Variants in NKAIN3 observed in about 807,000 individuals in gnomAD.
The protein encoded by NKAIN3 is sodium/potassium transporting ATPase interacting 3, also known as sodium/potassium-transporting ATPase subunit beta-1-interacting protein 3.
Under a neutral mutation model 30.2 loss-of-function variants are expected in NKAIN3, and 25 were observed. The ratio of observed to expected loss-of-function variants is 0.83; its 90% confidence interval spans 0.60 to 1.16. The LOEUF (loss-of-function observed/expected upper bound fraction) is 1.16, where lower values mean the gene tolerates loss of function less well. Ranked by LOEUF, NKAIN3 falls within the 50% of genes most tolerant of loss-of-function variation. The pLI is 0.00. For synonymous variants in NKAIN3, 91 were observed against 89.6 expected, an observed-to-expected ratio of 1.02 and a Z score of -0.09; for missense variants, 225 against 254.1, an observed-to-expected ratio of 0.89 and a Z score of 0.78.
At chr8:62,516,384 C>T (rs1488469320) in intron 1 of NKAIN3, among the ~76,000 whole-genome samples, 1 of 152,052 alleles carries the variant, frequency 6.6e-6, no homozygotes, top group African/African-American at 2.4e-5. Flanking sequence ...TTTCTGAGTT[C>T]TCTGTGTTAC....
intron 1 of NKAIN3, among the ~76,000 whole-genome samples, chr8:62,430,564 A>C (rs1804964718): frequency 6.6e-6 from 1 of 151,816 alleles, no homozygotes; most frequent in African/African-American, 2.4e-5. Context: ...CCAGTAGTGC[A>C]TAAGGGTTCT....
At chr8:62,700,838 G>A (rs1446879071) in intron 3 of NKAIN3, among the ~76,000 whole-genome samples, 3 of 152,166 alleles carry the variant, frequency 2.0e-5, no homozygotes, top group Non-Finnish European at 4.4e-5. Flanking sequence ...ATTATCATCA[G>A]ACCATATTTT....
At chr8:62,269,433 G>A (rs1021538910) in intron 1 of NKAIN3, among the ~76,000 whole-genome samples, 2 of 152,086 alleles carry the variant, frequency 1.3e-5, no homozygotes, top group African/African-American at 4.8e-5. Flanking sequence ...TTGAGAAAGA[G>A]TAGACAGTAT....
At chr8:62,317,490 A>G (rs1329008279) in intron 1 of NKAIN3, among the ~76,000 whole-genome samples, 1 of 152,196 alleles carries the variant, frequency 6.6e-6, no homozygotes, top group Non-Finnish European at 1.5e-5. Context: ...AGCTTTCTAC[A>G]TATGGCTAGC....
intron 3 of NKAIN3, among the ~76,000 whole-genome samples, chr8:62,655,908 G>A (rs750640293): frequency 6.6e-6 from 1 of 152,126 alleles, no homozygotes; most frequent in Admixed American, 6.6e-5. Context: ...GGTATGGGAA[G>A]TTACTAACCC....
At chr8:62,443,167 A>G (rs1805381765) in intron 1 of NKAIN3, among the ~76,000 whole-genome samples, 1 of 151,856 alleles carries the variant, frequency 6.6e-6, no homozygotes, top group Non-Finnish European at 1.5e-5. Context: ...TCTCTTTTAA[A>G]ATCCCAATCA....
chr8:62,388,482 T>C (rs1380760475), intron 1 of NKAIN3, among the ~76,000 whole-genome samples: 5 of 152,366 alleles, frequency 3.3e-5, no homozygotes, highest in South Asian at 2.1e-4. Flanking sequence ...AAAGGTAATA[T>C]GTGGTAACAA....
intron 1 of NKAIN3, among the ~76,000 whole-genome samples, chr8:62,442,176 G>A (rs1805348189): frequency 6.6e-6 from 1 of 151,774 alleles, no homozygotes; most frequent in Non-Finnish European, 1.5e-5. Context: ...ATCCAGTTTA[G>A]CTTATCTGTT....
intron 3 of NKAIN3, among the ~76,000 whole-genome samples, chr8:62,698,417 G>A (rs1005333755): frequency 6.6e-6 from 1 of 152,266 alleles, no homozygotes; most frequent in East Asian, 1.9e-4. Flanking sequence ...AGCTCCTCCT[G>A]CAGATTGGAT....
chr8:62,945,777 C>T (rs991974789), intron 5 of NKAIN3, among the ~76,000 whole-genome samples: 1 of 152,084 alleles, frequency 6.6e-6, no homozygotes, highest in Non-Finnish European at 1.5e-5. Flanking sequence ...AATGAGGATC[C>T]GAGACAGAGT....
At chr8:62,818,098 G>A (rs1036517381) in intron 4 of NKAIN3, among the ~76,000 whole-genome samples, 3 of 152,008 alleles carry the variant, frequency 2.0e-5, no homozygotes, top group African/African-American at 7.2e-5. Flanking sequence ...CAAATTGCCT[G>A]GATATACATA....
At chr8:62,610,648 C>T (rs934154256) in intron 3 of NKAIN3, among the ~76,000 whole-genome samples, 2 of 152,124 alleles carry the variant, frequency 1.3e-5, no homozygotes, top group Non-Finnish European at 2.9e-5. Flanking sequence ...ACTTTTGATG[C>T]TTTAAAAATG....
At chr8:62,773,023 T>G (rs1247083874) in intron 4 of NKAIN3, among the ~76,000 whole-genome samples, 1 of 152,152 alleles carries the variant, frequency 6.6e-6, no homozygotes, top group East Asian at 1.9e-4. Context: ...GCTGCTTGTT[T>G]ATTCTGGTTA....
intron 1 of NKAIN3, among the ~76,000 whole-genome samples, chr8:62,346,237 A>T (rs1441930522): frequency 6.6e-6 from 1 of 152,162 alleles, no homozygotes; most frequent in Non-Finnish European, 1.5e-5. Context: ...ATTGCCACAA[A>T]GAAATGATAA....
chr8:62,695,539 C>T (rs1014259598), intron 3 of NKAIN3, among the ~76,000 whole-genome samples: 29 of 152,064 alleles, frequency 1.9e-4, no homozygotes, highest in African/African-American at 6.0e-4. Flanking sequence ...ATCTGCAATA[C>T]GCAGCAAGAG....
chr8:62,750,463 G>A (rs182600511), intron 4 of NKAIN3, among the ~76,000 whole-genome samples: 101 of 152,268 alleles, frequency 6.6e-4, no homozygotes, highest in African/African-American at 2.3e-3. Context: ...ACTCAGAAAG[G>A]CGAAGACGGG....
chr8:62,806,834 A>T (rs1586218774), intron 4 of NKAIN3, among the ~76,000 whole-genome samples: 2 of 151,744 alleles, frequency 1.3e-5, no homozygotes, highest in African/African-American at 4.8e-5. Context: ...ATATAAAAAA[A>T]TAAAATAAAA....
intron 4 of NKAIN3, among the ~76,000 whole-genome samples, chr8:62,812,565 A>T (rs1293953520): frequency 1.3e-5 from 2 of 151,790 alleles, no homozygotes; most frequent in African/African-American, 4.8e-5. Flanking sequence ...TGTGCATATT[A>T]TTCTGTAACC....
At chr8:62,807,872 G>A (rs1440825746) in intron 4 of NKAIN3, among the ~76,000 whole-genome samples, 2 of 150,616 alleles carry the variant, frequency 1.3e-5, no homozygotes, top group East Asian at 1.9e-4. Flanking sequence ...ATGATTTATT[G>A]TTTAAGGTAT....
Sources: gnomAD v4.1 joint callset for allele counts (sites outside exome capture counted in the v4.1 genomes callset) on GRCh38, gnomAD v4.1.1 for gene constraint, MANE v1.5 for transcripts, NCBI Gene and HGNC (gene_info 2026-07-23, HGNC 2026-07-21) for gene names.